Variants in WWOX observed in about 807,000 individuals in gnomAD.
WWOX encodes WW domain-containing oxidoreductase.
WWOX carries 69 observed loss-of-function variants against 46.2 expected under a neutral mutation model. The observed-to-expected ratio is 1.49, with a 90% CI of 1.23 to 1.82. The LOEUF (loss-of-function observed/expected upper bound fraction) is 1.82, where lower values mean the gene tolerates loss of function less well. Ranked by LOEUF, WWOX falls within the 40% of genes most tolerant of loss-of-function variation. The pLI, the probability that WWOX is intolerant of heterozygous loss-of-function variation, is 0.00. For missense variants in WWOX, 919 were observed against 542.6 expected (o/e 1.69, Z -6.89); for synonymous variants, 359 against 202.6 (o/e 1.77, Z -6.56).
chr16:78,994,845 T>C (rs555583034), intron 8 of WWOX, among the ~76,000 whole-genome samples: 1 of 152,194 alleles, frequency 6.6e-6, no homozygotes, highest in East Asian at 1.9e-4. Context: ...AGGGCTCTTT[T>C]CAGGAGCTGT....
intron 8 of WWOX, among the ~76,000 whole-genome samples, chr16:78,638,953 C>A (rs1020491126): frequency 1.3e-5 from 2 of 152,086 alleles, no homozygotes; most frequent in African/African-American, 2.4e-5. Flanking sequence ...ATGATTCCCT[C>A]TGGGGTGCTG....
chr16:78,477,738 C>G (rs538109691), intron 8 of WWOX, among the ~76,000 whole-genome samples: 1 of 151,842 alleles, frequency 6.6e-6, no homozygotes, highest in Non-Finnish European at 1.5e-5. Context: ...ATGTTACGTG[C>G]GGATAATCTT....
chr16:78,944,528 C>G (rs536465321), intron 8 of WWOX, among the ~76,000 whole-genome samples: 5 of 152,284 alleles, frequency 3.3e-5, no homozygotes, highest in East Asian at 3.9e-4. Flanking sequence ...ATTTGTCTTG[C>G]TGTATCGAAT....
intron 8 of WWOX, among the ~76,000 whole-genome samples, chr16:79,180,897 C>T (rs114373045): frequency 0.011 from 1,691 of 152,212 alleles, 27 homozygotes; most frequent in African/African-American, 0.038. Flanking sequence ...TAATAATAAC[C>T]ACTGCTACAT....
chr16:78,871,430 C>T (rs941852260), intron 8 of WWOX, among the ~76,000 whole-genome samples: 15 of 152,120 alleles, frequency 9.9e-5, no homozygotes, highest in African/African-American at 3.1e-4. Context: ...GCACAGGCTT[C>T]GATGAAGCTT....
At chr16:79,180,810 T>C (rs1469735526) in intron 8 of WWOX, among the ~76,000 whole-genome samples, 1 of 152,150 alleles carries the variant, frequency 6.6e-6, no homozygotes, top group Non-Finnish European at 1.5e-5. Context: ...AGAAACCTAA[T>C]ATAGATATAC....
At chr16:78,777,569 C>T (rs537336902) in intron 8 of WWOX, among the ~76,000 whole-genome samples, 6 of 152,120 alleles carry the variant, frequency 3.9e-5, no homozygotes, top group South Asian at 2.1e-4. Context: ...ACAGTCCCAG[C>T]GTGGTATAAT....
At chr16:78,132,042 T>C (rs1379585391) in intron 4 of WWOX, among the ~76,000 whole-genome samples, 1 of 149,794 alleles carries the variant, frequency 6.7e-6, no homozygotes, top group Non-Finnish European at 1.5e-5. Flanking sequence ...TTTTTTTTTT[T>C]GAGACAGAGT....
At chr16:78,856,319 G>T (rs1164029480) in intron 8 of WWOX, among the ~76,000 whole-genome samples, 1 of 152,188 alleles carries the variant, frequency 6.6e-6, no homozygotes, top group Non-Finnish European at 1.5e-5. Flanking sequence ...GGGAGTAACA[G>T]GCTTGTAGTG....
chr16:78,786,433 G>A (rs553336522), intron 8 of WWOX, among the ~76,000 whole-genome samples: 3 of 152,236 alleles, frequency 2.0e-5, no homozygotes, highest in East Asian at 3.9e-4. Flanking sequence ...AAGAGCATAG[G>A]TAACAGTAAA....
intron 8 of WWOX, among the ~76,000 whole-genome samples, chr16:78,763,954 C>T (rs114810752): frequency 6.6e-6 from 1 of 152,182 alleles, no homozygotes; most frequent in Non-Finnish European, 1.5e-5. Context: ...AGAAGCCCCA[C>T]TCTCCCTCTG....
chr16:78,756,816 A>T, intron 8 of WWOX: 1 of 568,826 alleles, frequency 1.8e-6, no homozygotes, highest in Non-Finnish European at 3.2e-6. Context: ...GTCTTCTCGG[A>T]CACCTAATAC....
chr16:78,739,446 A>T (rs925455835), intron 8 of WWOX, among the ~76,000 whole-genome samples: 2 of 152,164 alleles, frequency 1.3e-5, no homozygotes, highest in Non-Finnish European at 2.9e-5. Context: ...GGTTCCTCCA[A>T]GCTCTAGGAA....
chr16:78,839,636 G>C (rs977238806), intron 8 of WWOX, among the ~76,000 whole-genome samples: 1 of 152,110 alleles, frequency 6.6e-6, no homozygotes, highest in Non-Finnish European at 1.5e-5. Flanking sequence ...AGTTTCTCCA[G>C]GTTCTCACTG....
chr16:78,170,674 G>A (rs1210902617), intron 5 of WWOX, among the ~76,000 whole-genome samples: 1 of 152,174 alleles, frequency 6.6e-6, no homozygotes, highest in East Asian at 1.9e-4. Flanking sequence ...GCACTCAACT[G>A]TCATTTGAAA....
At chr16:78,131,663 C>T (rs1362071782) in intron 4 of WWOX, among the ~76,000 whole-genome samples, 4 of 151,010 alleles carry the variant, frequency 2.6e-5, no homozygotes, top group African/African-American at 9.7e-5. Context: ...CTCACTGCAA[C>T]CTCCACGTCC....
intron 8 of WWOX, among the ~76,000 whole-genome samples, chr16:78,567,536 G>A (rs1255240990): frequency 8.8e-6 from 1 of 113,098 alleles, no homozygotes; most frequent in East Asian, 2.7e-4. Flanking sequence ...CTGGGCGACA[G>A]AAGGAGACTC....
chr16:78,760,197 G>C (rs1171547664), intron 8 of WWOX, among the ~76,000 whole-genome samples: 1 of 152,166 alleles, frequency 6.6e-6, no homozygotes, highest in African/African-American at 2.4e-5. Flanking sequence ...GTGACAGCCA[G>C]GTGAAGGAGT....
intron 8 of WWOX, 135 bp downstream of exon 8, chr16:78,432,887 C>A: frequency 7.4e-7 from 1 of 1,350,946 alleles, no homozygotes; most frequent in Non-Finnish European, 1.1e-6. Flanking sequence ...TCATAAAGGG[C>A]TCTTGAACAC....
Sources: gnomAD v4.1 joint callset for allele counts (sites outside exome capture counted in the v4.1 genomes callset) on GRCh38, gnomAD v4.1.1 for gene constraint, MANE v1.5 for transcripts, NCBI Gene and HGNC (gene_info 2026-07-23, HGNC 2026-07-21) for gene names.